GPM6A: variants seen among roughly 807,000 people sequenced by gnomAD.
The protein encoded by GPM6A is neuronal membrane glycoprotein M6-a.
GPM6A carries 7 observed loss-of-function variants against 32.1 expected under a neutral mutation model. The observed-to-expected ratio is 0.22, with a 90% CI of 0.12 to 0.41. GPM6A has a LOEUF of 0.41. Ranked by LOEUF, GPM6A falls within the 10% of genes least tolerant of loss-of-function variation. The pLI is 1.00. For synonymous variants in GPM6A, 130 were observed against 123.4 expected, an observed-to-expected ratio of 1.05 and a Z score of -0.35; for missense variants, 235 against 347.2, an observed-to-expected ratio of 0.68 and a Z score of 2.57.
At chr4:175,810,494 C>G (rs1734874959) in intron 1 of GPM6A, among the ~76,000 whole-genome samples, 1 of 152,108 alleles carries the variant, frequency 6.6e-6, no homozygotes, top group African/African-American at 2.4e-5. Flanking sequence ...ATAGCCACCT[C>G]CACCCCCATA....
chr4:175,714,889 A>G (rs1407311170), intron 1 of GPM6A, among the ~76,000 whole-genome samples: 1 of 151,674 alleles, frequency 6.6e-6, no homozygotes, highest in Non-Finnish European at 1.5e-5. Flanking sequence ...AATTGCTTCT[A>G]TTATGAGTAG....
At chr4:175,749,324 A>G (rs1003884570) in intron 1 of GPM6A, among the ~76,000 whole-genome samples, 1 of 152,194 alleles carries the variant, frequency 6.6e-6, no homozygotes, top group African/African-American at 2.4e-5. Flanking sequence ...AAATATTGTG[A>G]GAAATATCAA....
chr4:175,961,448 G>A (rs1740160673), intron 1 of GPM6A: 1 of 152,174 alleles, frequency 6.6e-6, no homozygotes, highest in Non-Finnish European at 1.5e-5. Flanking sequence ...AAACTGGAGA[G>A]ACAGATAAGC....
intron 1 of GPM6A, among the ~76,000 whole-genome samples, chr4:175,967,976 GAGA>G (rs1740380226): frequency 6.6e-6 from 1 of 152,144 alleles, no homozygotes; most frequent in Admixed American, 6.5e-5. Context: ...GATGTTGAAG[GAGA>G]AGAACAAAGT....
chr4:175,884,137 T>C (rs950412971), intron 1 of GPM6A, among the ~76,000 whole-genome samples: 2 of 152,206 alleles, frequency 1.3e-5, no homozygotes, highest in Non-Finnish European at 2.9e-5. Context: ...TTTTTGTCCC[T>C]GGTTATTGAA....
At chr4:175,928,635 C>T (rs954851857) in intron 1 of GPM6A, among the ~76,000 whole-genome samples, 1 of 152,186 alleles carries the variant, frequency 6.6e-6, no homozygotes, top group African/African-American at 2.4e-5. Flanking sequence ...CTGCAGTAGG[C>T]CTGGCTGGCA....
intron 1 of GPM6A, among the ~76,000 whole-genome samples, chr4:175,937,670 G>T (rs7662085): frequency 6.6e-6 from 1 of 152,096 alleles, no homozygotes; most frequent in Non-Finnish European, 1.5e-5. Flanking sequence ...GAGGTGAAAT[G>T]TTGTAAGGAT....
intron 1 of GPM6A, among the ~76,000 whole-genome samples, chr4:175,949,358 C>T (rs1739726187): frequency 6.6e-6 from 1 of 151,666 alleles, no homozygotes; most frequent in South Asian, 2.1e-4. Flanking sequence ...GCTGTGTTGC[C>T]CAGGCTAGTC....
chr4:175,824,842 A>AT (rs1447091107), intron 1 of GPM6A, among the ~76,000 whole-genome samples: 1 of 152,168 alleles, frequency 6.6e-6, no homozygotes, highest in Non-Finnish European at 1.5e-5. Context: ...CAAGCAAATG[A>AT]TTTTCACAAG....
At chr4:175,752,724 A>G (rs1732384774) in intron 1 of GPM6A, among the ~76,000 whole-genome samples, 1 of 152,150 alleles carries the variant, frequency 6.6e-6, no homozygotes, top group African/African-American at 2.4e-5. Flanking sequence ...AAATTAAAGG[A>G]CAAAGACCTC....
chr4:175,905,824 T>C (rs1219691190), intron 1 of GPM6A, among the ~76,000 whole-genome samples: 1 of 152,160 alleles, frequency 6.6e-6, no homozygotes, highest in Non-Finnish European at 1.5e-5. Context: ...CCTTTAATTG[T>C]GAAGATGCAA....
intron 1 of GPM6A, among the ~76,000 whole-genome samples, chr4:175,934,658 A>G (rs1739161926): frequency 6.6e-6 from 1 of 152,234 alleles, no homozygotes; most frequent in South Asian, 2.1e-4. Flanking sequence ...CAATAAAAAT[A>G]AATATAAAAA....
chr4:175,933,981 T>C (rs1455932477), intron 1 of GPM6A, among the ~76,000 whole-genome samples: 1 of 152,210 alleles, frequency 6.6e-6, no homozygotes, highest in African/African-American at 2.4e-5. Context: ...AAACGTAGAA[T>C]AACATGTATG....
intron 1 of GPM6A, among the ~76,000 whole-genome samples, chr4:175,744,826 C>A (rs1364853032): frequency 6.6e-6 from 1 of 152,124 alleles, no homozygotes; most frequent in Non-Finnish European, 1.5e-5. Flanking sequence ...TCTCCCACTT[C>A]TGGGTCCAAT....
chr4:175,812,282 G>T, upstream of GPM6A: 5 of 991,050 alleles, frequency 5.0e-6, no homozygotes, highest in East Asian at 7.1e-5. Context: ...AGCTCAATTA[G>T]ATGTTGGAAA....
intron 1 of GPM6A, among the ~76,000 whole-genome samples, chr4:175,903,047 T>A (rs1312733468): frequency 6.6e-6 from 1 of 152,134 alleles, no homozygotes; most frequent in Non-Finnish European, 1.5e-5. Context: ...ATAACCCAGA[T>A]CTTGGTTTCT....
At chr4:175,990,357 G>A (rs966333861) in intron 1 of GPM6A, among the ~76,000 whole-genome samples, 1 of 151,992 alleles carries the variant, frequency 6.6e-6, no homozygotes, top group East Asian at 1.9e-4. Context: ...AGCCTCCATC[G>A]ATGTCCTCCA....
chr4:175,934,921 T>C (rs1739169580), intron 1 of GPM6A, among the ~76,000 whole-genome samples: 1 of 152,122 alleles, frequency 6.6e-6, no homozygotes, highest in African/African-American at 2.4e-5. Context: ...AAAACAATAA[T>C]GATAAAATTA....
At chr4:175,814,398 G>C (rs980641452), upstream of GPM6A, among the ~76,000 whole-genome samples, 4 of 152,124 alleles carry the variant, frequency 2.6e-5, no homozygotes, top group Non-Finnish European at 4.4e-5. Flanking sequence ...CTAATGTTCT[G>C]ATCTTAGAAG....
Sources: allele counts gnomAD v4.1 joint callset (sites outside exome capture counted in the v4.1 genomes callset), GRCh38; gene constraint gnomAD v4.1.1; transcripts MANE v1.5; gene names NCBI Gene and HGNC (gene_info 2026-07-23, HGNC 2026-07-21).